The following LUZP2 variants were observed in gnomAD, a reference collection of about 807,000 sequenced individuals.
LUZP2 encodes leucine zipper protein 2.
Under a neutral mutation model 51.6 loss-of-function variants are expected in LUZP2, and 52 were observed. That is an observed-to-expected ratio of 1.01 (90% confidence interval 0.81 to 1.27). The LOEUF (loss-of-function observed/expected upper bound fraction) is 1.27. Among genes scored for constraint, LUZP2 ranks in the 50% most tolerant of loss-of-function variants. The pLI, the probability that LUZP2 is intolerant of heterozygous loss-of-function variation, is 0.00. For synonymous variants in LUZP2, 154 were observed against 137.3 expected (o/e 1.12, Z -0.85); for missense variants, 436 against 395.4 (o/e 1.10, Z -0.87).
At chr11:24,973,879 C>A (rs1267186148) in intron 7 of LUZP2, among the ~76,000 whole-genome samples, 1 of 151,850 alleles carries the variant, frequency 6.6e-6, no homozygotes, top group Admixed American at 6.6e-5. Context: ...AGAGTAAGTG[C>A]CATACAGCAA....
chr11:24,564,023 C>T (rs1852140238), intron 1 of LUZP2, among the ~76,000 whole-genome samples: 1 of 152,066 alleles, frequency 6.6e-6, no homozygotes. Flanking sequence ...ACAGTTATAT[C>T]CAAGAAATAT....
intron 9 of LUZP2, among the ~76,000 whole-genome samples, chr11:25,034,413 C>A (rs996886242): frequency 2.0e-5 from 3 of 151,946 alleles, no homozygotes; most frequent in Non-Finnish European, 4.4e-5. Context: ...TGCAGAAGTT[C>A]TTTAGTTAAA....
chr11:25,041,248 A>AACT (rs1858048133), intron 9 of LUZP2, among the ~76,000 whole-genome samples: 1 of 152,164 alleles, frequency 6.6e-6, no homozygotes, highest in Non-Finnish European at 1.5e-5. Flanking sequence ...ACTTATGATA[A>AACT]AGTTTAACTT....
intron 1 of LUZP2, among the ~76,000 whole-genome samples, chr11:24,525,795 A>G (rs1295585003): frequency 1.3e-5 from 2 of 151,354 alleles, no homozygotes; most frequent in African/African-American, 2.4e-5. Context: ...AGGAAATCCT[A>G]TTTATGTTAT....
At chr11:24,726,778 T>TGAG (rs1404637329) in intron 1 of LUZP2, among the ~76,000 whole-genome samples, 1 of 152,088 alleles carries the variant, frequency 6.6e-6, no homozygotes, top group Admixed American at 6.6e-5. Flanking sequence ...TTACAGAACC[T>TGAG]GAGTGTAGGA....
chr11:24,953,223 A>T (rs1470386445), intron 7 of LUZP2, among the ~76,000 whole-genome samples: 1 of 151,984 alleles, frequency 6.6e-6, no homozygotes, highest in Non-Finnish European at 1.5e-5. Context: ...TGGAATAAGC[A>T]TCTAGTGCAG....
chr11:24,680,747 C>T (rs1590339511), intron 1 of LUZP2, among the ~76,000 whole-genome samples: 1 of 152,106 alleles, frequency 6.6e-6, no homozygotes, highest in Non-Finnish European at 1.5e-5. Context: ...AAATTCCTTA[C>T]GAAATATATT....
At chr11:25,070,518 G>A (rs950739382) in intron 10 of LUZP2, among the ~76,000 whole-genome samples, 1 of 144,522 alleles carries the variant, frequency 6.9e-6, no homozygotes, top group African/African-American at 2.6e-5. Flanking sequence ...GGGTCTGCCT[G>A]TGAGAACCTA....
At chr11:24,669,420 G>C (rs1856327676) in intron 1 of LUZP2, among the ~76,000 whole-genome samples, 1 of 151,960 alleles carries the variant, frequency 6.6e-6, no homozygotes. Context: ...TTTCCTAATT[G>C]GTATTAATGA....
In LUZP2 at chr11:24,991,521, C is replaced by A. The variant is rs1174721298; in HGVS notation, c.765+8228C>A. Among the ~76,000 whole-genome samples, 5 of 151,184 alleles carry A rather than the reference C, an allele frequency of 3.3e-5. No individual in the cohort carries two copies. The Admixed American group carries it at 3.3e-4, about 10-fold the overall frequency. On this transcript the variant is annotated intron_variant, in intron 9 of 11. Coordinates refer to ENST00000336930, the MANE Select transcript of LUZP2 (RefSeq NM_001009909.4). ...CAGTTTGCAATTGCAAATTGTTCTTCTATAAATATGCGTGTGTAACTATCT... is the reference window on the plus strand; with the variant it reads ...CAGTTTGCAATTGCAAATTGTTCTTATATAAATATGCGTGTGTAACTATCT...
intron 1 of LUZP2, among the ~76,000 whole-genome samples, chr11:24,531,067 TGCCAGTGGA>T: frequency 6.9e-6 from 1 of 145,796 alleles, no homozygotes; most frequent in Non-Finnish European, 1.5e-5. Context: ...ATTATTATTT[TGCCAGTGGA>T]ATTAACTTTA....
At chr11:25,056,894 A>T (rs572344673) in intron 10 of LUZP2, among the ~76,000 whole-genome samples, 19 of 152,174 alleles carry the variant, frequency 1.2e-4, no homozygotes, top group African/African-American at 4.6e-4. Context: ...AGGTCAGGAG[A>T]TCGAGACCAT....
intron 1 of LUZP2, among the ~76,000 whole-genome samples, chr11:24,688,601 G>A (rs180736122): frequency 1.2e-4 from 18 of 152,100 alleles, no homozygotes; most frequent in African/African-American, 4.3e-4. Flanking sequence ...ACTTTTTGAT[G>A]GATCTCTTAA....
chr11:24,563,056 T>C (rs1400962660), intron 1 of LUZP2, among the ~76,000 whole-genome samples: 1 of 152,152 alleles, frequency 6.6e-6, no homozygotes, highest in Non-Finnish European at 1.5e-5. Context: ...GAATCAGCTT[T>C]GAATAAAACA....
At chr11:24,807,021 C>A in intron 5 of LUZP2, among the ~76,000 whole-genome samples, 1 of 64,626 alleles carries the variant, frequency 1.5e-5, no homozygotes. Context: ...AAAGAAAATC[C>A]ACCAAAAAAA....
At chr11:24,711,235 G>T (rs1199467635) in intron 1 of LUZP2, among the ~76,000 whole-genome samples, 1 of 151,904 alleles carries the variant, frequency 6.6e-6, no homozygotes, top group African/African-American at 2.4e-5. Context: ...GGATCACGAG[G>T]TCAGGAGATC....
At chr11:24,776,078 A>G (rs1312364531) in intron 5 of LUZP2, among the ~76,000 whole-genome samples, 1 of 152,190 alleles carries the variant, frequency 6.6e-6, no homozygotes, top group East Asian at 1.9e-4. Context: ...CTTAAGTTCT[A>G]AAAATCAGCC....
chr11:24,601,212 A>T (rs774390993), intron 1 of LUZP2, among the ~76,000 whole-genome samples: 1 of 152,074 alleles, frequency 6.6e-6, no homozygotes, highest in Non-Finnish European at 1.5e-5. Context: ...TGAGATGCCA[A>T]ATTCTACCCA....
At chr11:24,624,294 G>A (rs1301425106) in intron 1 of LUZP2, among the ~76,000 whole-genome samples, 1 of 152,042 alleles carries the variant, frequency 6.6e-6, no homozygotes, top group Non-Finnish European at 1.5e-5. Flanking sequence ...TGTCCTGTGT[G>A]TATTTGGTGC....
Sources: gnomAD v4.1 joint callset for allele counts (sites outside exome capture counted in the v4.1 genomes callset) on GRCh38, gnomAD v4.1.1 for gene constraint, MANE v1.5 for transcripts, NCBI Gene and HGNC (gene_info 2026-07-23, HGNC 2026-07-21) for gene names.